ARHGEF2: variants seen among roughly 807,000 people sequenced by gnomAD.
The protein encoded by ARHGEF2 is rho guanine nucleotide exchange factor 2.
ARHGEF2 carries 22 observed loss-of-function variants against 121.0 expected under a neutral mutation model. That is an observed-to-expected ratio of 0.18 (90% CI 0.13 to 0.26). The LOEUF (loss-of-function observed/expected upper bound fraction) is 0.26, where lower values mean the gene tolerates loss of function less well. ARHGEF2 is among the 10% of genes least tolerant of loss of function. The probability of loss-of-function intolerance (pLI) is 1.00; values close to 1 mark genes in which losing one functional copy is unlikely to be tolerated. For missense variants in ARHGEF2, 907 were observed against 1,336.0 expected (o/e 0.68, Z 5.01); for synonymous variants, 487 against 530.0 (o/e 0.92, Z 1.11).
intron 11 of ARHGEF2, 34 bp from the exon 12 acceptor site, chr1:155,958,430 A>T: frequency 6.4e-7 from 1 of 1,568,506 alleles, no homozygotes; most frequent in Non-Finnish European, 8.8e-7. Flanking sequence ...AACAGTCAGC[A>T]CTAGACGGTC....
chr1:155,969,914 A>C (rs1179555890), intron 1 of ARHGEF2: 6 of 984,528 alleles, frequency 6.1e-6, no homozygotes, highest in Non-Finnish European at 7.2e-6. Flanking sequence ...CTTTTCACCA[A>C]CCCTCAGCCA....
At chr1:155,975,405 C>T (rs111735372) in intron 1 of ARHGEF2, among the ~76,000 whole-genome samples, 42 of 152,200 alleles carry the variant, frequency 2.8e-4, no homozygotes, top group African/African-American at 8.4e-4. Flanking sequence ...CTTCTCTAGG[C>T]CCCATCTAAC....
chr1:155,966,675 A>AG, intron 3 of ARHGEF2, 145 bp downstream of exon 3: 1 of 1,088,170 alleles, frequency 9.2e-7, no homozygotes, highest in Non-Finnish European at 1.4e-6. Flanking sequence ...TTGGGGCCCG[A>AG]GGCCTGGGGT....
intron 21 of ARHGEF2, among the ~76,000 whole-genome samples, chr1:155,949,264 T>TAAATAAAATA (rs558077837): frequency 1.2e-4 from 18 of 145,950 alleles, no homozygotes; most frequent in South Asian, 6.5e-4. Flanking sequence ...AATAAATAAA[T>TAAATAAAATA]AAATAAAATA....
At chr1:155,964,336 C>T (rs866983083) in intron 7 of ARHGEF2, among the ~76,000 whole-genome samples, 10 of 150,846 alleles carry the variant, frequency 6.6e-5, no homozygotes, top group African/African-American at 2.0e-4. Flanking sequence ...TGAGCCACCA[C>T]GCCCAGTTCC....
In ARHGEF2 at chr1:155,952,698, C is replaced by G. The variant is rs759548146; in HGVS notation, c.1914G>C (p.Arg638Ser). Residue 638 changes from arginine to serine, a missense_variant, in exon 15 of 22, where the codon AGG (arginine) becomes AGC (serine). By Grantham distance (110) the Arg-to-Ser change is moderately radical (BLOSUM62 -1). Around this residue, in one of 2 missense-constraint regions of ARHGEF2, gnomAD observed 432 missense variants for 559.5 expected, o/e 0.77. Coordinates refer to ENST00000361247, the MANE Select transcript of ARHGEF2 (RefSeq NM_001162383.2). ...CAAGGGACTCAGAGCGGAAAAGGCC[C>G]CTGGGCAGGGTGGGCAGGGCCATCC... Reference protein sequence around the residue: ...GSGMALPTLPRGLFRSESLES... With the variant: ...GSGMALPTLPSGLFRSESLES... 1.1e-5 allele frequency: 18 copies of G among 1,614,066 alleles called. No homozygotes were observed. Among genetic ancestry groups the G allele is most frequent in the Non-Finnish European group, 1.4e-5 (17 of 1,180,028 alleles).
rs1375168451 is a variant in ARHGEF2 at position 155,950,523 on chromosome 1, A to C, written c.2704-41T>G. 6.3e-7 allele frequency: 1 copy of C among 1,592,674 alleles called. No individual in the cohort carries two copies. Among genetic ancestry groups the C allele is most frequent in the East Asian group, 2.2e-5 (1 of 44,688 alleles). ...AGGAAGAACAGCAGGTCAGGGACTG[A>C]GTAGTGTGAAGATTGGAGGTTCTGC... On this transcript the variant is annotated intron_variant, in intron 20 of 21. Coordinates refer to ENST00000361247, the MANE Select transcript of ARHGEF2 (RefSeq NM_001162383.2). The surrounding 1 kb of genome is among the most constrained non-coding windows in gnomAD (Gnocchi z 5.2).
chr1:155,971,263 A>T (rs1457272791), intron 1 of ARHGEF2, among the ~76,000 whole-genome samples: 1 of 152,056 alleles, frequency 6.6e-6, no homozygotes, highest in Non-Finnish European at 1.5e-5. Context: ...CCTATCTTGC[A>T]CCAAATTATA....
chr1:155,965,105 T>C lies in ARHGEF2; in HGVS notation c.607A>G (p.Ser203Gly). 1 of 1,614,020 alleles carries C rather than the reference T, an allele frequency of 6.2e-7. No homozygotes were observed. The highest frequency in any genetic ancestry group is 8.5e-7 in the Non-Finnish European group (1 of 1,179,990). ...EAEVIYSELM[S>G]DFEMDEKDFA... is the part of the protein sequence containing the mutation. ...TCCTTCTCATCCATCTCAAAGTCAC[T>C]CATCAGCTCACTGTAGATTACCTCT... is the stretch of plus-strand genomic sequence containing the variant. Residue 203 changes from serine to glycine, a missense_variant, in exon 7 of 22, where the codon AGT (serine) becomes GGT (glycine). Ser to Gly is a moderately conservative substitution (Grantham distance 56). Transcript: ENST00000361247. This position sits in a 1 kb window ranked among gnomAD's most constrained non-coding sequence, Gnocchi z 6.0.
chr1:155,952,874 G>A (rs1356132502), intron 14 of ARHGEF2, 46 bp from the exon 15 acceptor site: 1 of 1,596,208 alleles, frequency 6.3e-7, no homozygotes, highest in Non-Finnish European at 8.6e-7. Context: ...GTAGGGGTAT[G>A]CAAGAGCGCC....
At chr1:155,955,908 G>A (rs12129384) in intron 13 of ARHGEF2, among the ~76,000 whole-genome samples, 123,020 of 151,528 alleles carry the variant, frequency 0.81, 52,086 homozygotes, top group East Asian at 0.94. Context: ...TAGAGACAGG[G>A]TTTCGCCATG....
intron 7 of ARHGEF2, among the ~76,000 whole-genome samples, chr1:155,964,529 G>A (rs907635434): frequency 1.3e-5 from 2 of 152,076 alleles, no homozygotes; most frequent in East Asian, 3.9e-4. Flanking sequence ...GAGACCAACA[G>A]CATCAAGAGG....
At chr1:155,966,785 T>G in intron 3 of ARHGEF2, 35 bp downstream of exon 3, 1 of 1,569,678 alleles carries the variant, frequency 6.4e-7, no homozygotes. Context: ...CTCACTACCC[T>G]CTCCCCCAGC....
At position 155,969,253 on chromosome 1, in the gene ARHGEF2, G is replaced by A. The variant is rs1172315774; in HGVS notation, c.111C>T (p.Thr37=). ...AAATGGTGGTGAAGAGGTGCCCATTGGTATAGCGGGCATCCTTGGCTTCCT... is the reference window on the plus strand; with the variant it reads ...AAATGGTGGTGAAGAGGTGCCCATTAGTATAGCGGGCATCCTTGGCTTCCT... ...KMKEAKDARY[T]NGHLFTTISV... The change falls in exon 2 of 22, where the codon ACC becomes ACT. Residue 37 remains threonine, a synonymous_variant. Transcript: ENST00000361247. 1.2e-6 allele frequency: 2 copies of A among 1,614,034 alleles called. No homozygotes were observed. The highest frequency in any genetic ancestry group is 2.2e-5 in the South Asian group (2 of 91,080).
chr1:155,971,208 AC>A, intron 1 of ARHGEF2: 2 of 640,490 alleles, frequency 3.1e-6, no homozygotes, highest in Non-Finnish European at 3.9e-6. Flanking sequence ...TCTGGCACCT[AC>A]CTACCCGGAC....
At chr1:155,952,323 C>T (rs909293405) in intron 15 of ARHGEF2, 88 bp from the exon 16 acceptor site, 54 of 1,562,340 alleles carry the variant, frequency 3.5e-5, no homozygotes, top group Non-Finnish European at 4.7e-5. Context: ...GACACTTGGG[C>T]ATCTGGGGGA....
intron 7 of ARHGEF2, 146 bp from the exon 8 acceptor site, chr1:155,963,329 T>C: frequency 1.3e-6 from 1 of 752,368 alleles, no homozygotes; most frequent in South Asian, 2.1e-5. Context: ...TAGATACTTT[T>C]CTAATCATTT....
chr1:155,953,640 G>A (rs1675964002), intron 14 of ARHGEF2, among the ~76,000 whole-genome samples: 1 of 151,590 alleles, frequency 6.6e-6, no homozygotes, highest in African/African-American at 2.4e-5. Context: ...TCCTTGGGAG[G>A]CTGAGGCAGG....
intron 11 of ARHGEF2, among the ~76,000 whole-genome samples, chr1:155,959,936 C>T (rs1470526367): frequency 6.6e-6 from 1 of 152,148 alleles, no homozygotes; most frequent in Admixed American, 6.5e-5. Context: ...TTCTCCCTGT[C>T]CTGGCATATT....
Sources: allele counts gnomAD v4.1 joint callset (sites outside exome capture counted in the v4.1 genomes callset), GRCh38; gene constraint gnomAD v4.1.1; regional missense constraint gnomAD v4.1.1; non-coding constraint Gnocchi (gnomAD v3.1); transcripts MANE v1.5; gene names NCBI Gene and HGNC (gene_info 2026-07-23, HGNC 2026-07-21).